ACAP2: variants seen among roughly 807,000 people sequenced by gnomAD.
ACAP2 encodes ArfGAP with coiled-coil, ankyrin repeat and PH domains 2.
Under a neutral mutation model 115.8 loss-of-function variants are expected in ACAP2, and 39 were observed. That is an observed-to-expected ratio of 0.34 (90% CI 0.26 to 0.44). ACAP2 has a LOEUF of 0.44. Ranked by LOEUF, ACAP2 falls within the 20% of genes least tolerant of loss-of-function variation. ACAP2 has a pLI of 1.00. For missense variants in ACAP2, 662 were observed against 927.6 expected (o/e 0.71, Z 3.72); for synonymous variants, 289 against 315.8 (o/e 0.92, Z 0.90).
chr3:195,427,436 C>T (rs1560361534), intron 1 of ACAP2, among the ~76,000 whole-genome samples: 3 of 152,066 alleles, frequency 2.0e-5, no homozygotes, highest in African/African-American at 7.2e-5. Flanking sequence ...CGGAGGTGCA[C>T]TGTTAGATGA....
Position 195,442,940 on chromosome 3 carries a change from C to G in ACAP2, c.-93G>C. 8.3e-7 allele frequency: 1 copy of G among 1,198,594 alleles called. No individual in the cohort carries two copies. The highest frequency in any genetic ancestry group is 1.1e-6 in the Non-Finnish European group (1 of 892,892). The allele number at this position is 1,198,594 out of a possible 1,614,324, so 74.2% of individuals were successfully genotyped here. A position where few individuals can be genotyped will look rare whatever the true frequency, so the allele number is the denominator to read the frequency against. On this transcript the variant is annotated 5_prime_UTR_variant, in exon 1 of 23. Transcript: ENST00000326793. The stretch of plus-strand genomic sequence containing the variant: ...CAGACGGCTACGGCGGGCGCACGGC[C>G]GCGACTAGCGTTGCGCGGAGCTGCG...
intron 20 of ACAP2, 40 bp from the exon 21 acceptor site, chr3:195,289,271 G>T: frequency 7.2e-7 from 1 of 1,392,580 alleles, no homozygotes; most frequent in Non-Finnish European, 9.8e-7. Flanking sequence ...TTGTCGATAA[G>T]AAAAAAAAAT....
At chr3:195,320,104 G>A (rs540904289) in intron 10 of ACAP2, among the ~76,000 whole-genome samples, 1 of 152,272 alleles carries the variant, frequency 6.6e-6, no homozygotes, top group Non-Finnish European at 1.5e-5. Context: ...GAAGATGCCT[G>A]CTTTCCCTTC....
chr3:195,298,094 G>T (rs1288950418), intron 15 of ACAP2, among the ~76,000 whole-genome samples: 1 of 152,188 alleles, frequency 6.6e-6, no homozygotes, highest in Non-Finnish European at 1.5e-5. Context: ...ACTATGTAGA[G>T]AATAGAGGTT....
At chr3:195,346,106 T>C (rs1731171849) in intron 4 of ACAP2, among the ~76,000 whole-genome samples, 1 of 152,210 alleles carries the variant, frequency 6.6e-6, no homozygotes, top group Non-Finnish European at 1.5e-5. Context: ...CTCTGTCTTC[T>C]GTTTTCTCCT....
intron 2 of ACAP2, among the ~76,000 whole-genome samples, chr3:195,387,418 G>A (rs1484279255): frequency 1.3e-5 from 2 of 152,076 alleles, no homozygotes; most frequent in Non-Finnish European, 2.9e-5. Context: ...GTTTTTTCAT[G>A]CGCAAATTAG....
chr3:195,300,759 G>A (rs1727993406), intron 15 of ACAP2, among the ~76,000 whole-genome samples: 1 of 152,212 alleles, frequency 6.6e-6, no homozygotes, highest in Non-Finnish European at 1.5e-5. Flanking sequence ...GCTCACACCT[G>A]TAGTCCCAGC....
intron 1 of ACAP2, among the ~76,000 whole-genome samples, chr3:195,393,884 TGG>T (rs34637964): frequency 0.033 from 4,011 of 121,538 alleles, 153 homozygotes; most frequent in South Asian, 0.11. Context: ...AGTATTATAT[TGG>T]GGGGGGGGGA....
At chr3:195,422,194 A>G (rs1332721997) in intron 1 of ACAP2, among the ~76,000 whole-genome samples, 3 of 152,162 alleles carry the variant, frequency 2.0e-5, no homozygotes, top group African/African-American at 7.2e-5. Flanking sequence ...GAACTTTGCC[A>G]TTCCTGCTTC....
chr3:195,295,600 C>T, intron 17 of ACAP2, 108 bp downstream of exon 17: 1 of 1,176,730 alleles, frequency 8.5e-7, no homozygotes, highest in Non-Finnish European at 1.2e-6. Flanking sequence ...TAGAAGGGAA[C>T]AGGTTTTTAA....
intron 11 of ACAP2, among the ~76,000 whole-genome samples, chr3:195,307,896 C>G (rs1435939773): frequency 6.6e-6 from 1 of 152,098 alleles, no homozygotes; most frequent in Non-Finnish European, 1.5e-5. Context: ...TAGAACCAAG[C>G]AAGTAAAATT....
At chr3:195,399,837 G>A (rs768238343) in intron 1 of ACAP2, among the ~76,000 whole-genome samples, 3 of 151,848 alleles carry the variant, frequency 2.0e-5, no homozygotes, top group Non-Finnish European at 4.4e-5. Flanking sequence ...CCCAGCTCAT[G>A]ATTTAAAAAA....
At chr3:195,433,946 T>G (rs1229975084) in intron 1 of ACAP2, among the ~76,000 whole-genome samples, 2 of 152,108 alleles carry the variant, frequency 1.3e-5, no homozygotes, top group African/African-American at 4.8e-5. Context: ...CATTTTTGTT[T>G]TGAGACTAGG....
At chr3:195,351,284 T>C (rs996079516) in intron 4 of ACAP2, among the ~76,000 whole-genome samples, 1 of 151,552 alleles carries the variant, frequency 6.6e-6, no homozygotes, top group Non-Finnish European at 1.5e-5. Flanking sequence ...CGCCAGTTAA[T>C]TTTTGTACTT....
At chr3:195,392,180 G>A (rs1162844184) in intron 1 of ACAP2, 33 bp from the exon 2 acceptor site, 17 of 1,551,740 alleles carry the variant, frequency 1.1e-5, no homozygotes, top group East Asian at 6.9e-5. Flanking sequence ...AAGTTATTTC[G>A]TTTGTTTAAA....
Position 195,294,720 on chromosome 3 carries a change from A to G in ACAP2, c.1764T>C (p.Pro588=). Residue 588 remains proline (P), a splice_region_variant and synonymous_variant, in exon 18 of 23, where the codon CCT becomes CCC. Transcript: ENST00000326793. ...ACATTGAGTTTCATCAGAACTCACC[A>G]GGCTCATATAAACTATTGGCTGACA... The part of the protein sequence containing the change: ...STVSANSLYE[P]EGERQDSSMF... 1.3e-6 allele frequency: 2 copies of G among 1,587,858 alleles called. No homozygotes were observed. The highest frequency in any genetic ancestry group is 4.5e-5 in the East Asian group (2 of 44,358).
chr3:195,382,522 C>A (rs965492380), intron 2 of ACAP2, among the ~76,000 whole-genome samples: 1 of 152,080 alleles, frequency 6.6e-6, no homozygotes, highest in Admixed American at 6.6e-5. Context: ...TTCTTCCATT[C>A]CTTCCTTCCT....
chr3:195,380,893 TGAC>T (rs1266659954), intron 4 of ACAP2, 113 bp downstream of exon 4: 30 of 901,274 alleles, frequency 3.3e-5, no homozygotes, highest in Non-Finnish European at 5.0e-5. Flanking sequence ...GCTAAAAAGT[TGAC>T]GACCAATCAA....
intron 7 of ACAP2, among the ~76,000 whole-genome samples, 162 bp from the exon 8 acceptor site, chr3:195,333,285 T>A (rs1013221274): frequency 6.6e-6 from 1 of 152,234 alleles, no homozygotes; most frequent in African/African-American, 2.4e-5. Flanking sequence ...CACTGCAACC[T>A]GGACCTCCCA....
Sources: allele counts gnomAD v4.1 joint callset (sites outside exome capture counted in the v4.1 genomes callset), GRCh38; gene constraint gnomAD v4.1.1; transcripts MANE v1.5; gene names NCBI Gene and HGNC (gene_info 2026-07-23, HGNC 2026-07-21).